The following PAK2 variants were observed in gnomAD, a reference collection of about 807,000 sequenced individuals.
PAK2 encodes the protein serine/threonine-protein kinase PAK 2.
In PAK2, 21 loss-of-function variants were observed where a neutral mutation model predicts 65.9. That is an observed-to-expected ratio of 0.32 (90% CI 0.23 to 0.46). The LOEUF is 0.46. Among genes scored for constraint, PAK2 ranks in the 20% least tolerant of loss-of-function variants. The pLI, the probability that PAK2 is intolerant of heterozygous loss-of-function variation, is 1.00. For synonymous variants in PAK2, 204 were observed against 219.7 expected (o/e 0.93, Z 0.63); for missense variants, 324 against 642.6 (o/e 0.50, Z 5.36).
chr3:196,761,769 G>C (rs1713975314), intron 1 of PAK2, among the ~76,000 whole-genome samples: 1 of 147,332 alleles, frequency 6.8e-6, no homozygotes, highest in South Asian at 2.2e-4. Context: ...GGACGGGGCG[G>C]CTGGCCGGGC....
At chr3:196,817,685 G>T (rs1711520164) in intron 11 of PAK2, among the ~76,000 whole-genome samples, 1 of 151,610 alleles carries the variant, frequency 6.6e-6, no homozygotes, top group East Asian at 1.9e-4. Flanking sequence ...TTTTAGTAGA[G>T]ATGGGGTTTT....
intron 2 of PAK2, among the ~76,000 whole-genome samples, chr3:196,794,273 G>A (rs918174978): frequency 1.3e-5 from 2 of 152,146 alleles, no homozygotes; most frequent in South Asian, 4.1e-4. Context: ...CTAAAATGGT[G>A]GTGTAGAAGC....
chr3:196,748,981 T>G (rs906484365), intron 1 of PAK2, among the ~76,000 whole-genome samples: 6 of 152,202 alleles, frequency 3.9e-5, no homozygotes. Flanking sequence ...TTGGCTACTC[T>G]TATGTACCTT....
chr3:196,810,664 G>T lies in PAK2; in HGVS notation c.773+11G>T, dbSNP rs768761626. 24 of 1,283,576 alleles carry T rather than the reference G, an allele frequency of 1.9e-5. No homozygotes were observed. Among genetic ancestry groups the T allele is most frequent in the Non-Finnish European group, 2.6e-5 (23 of 880,064 alleles). 79.5% of individuals were successfully genotyped at this position (1,283,576 alleles called of 1,614,324 possible). A position where few individuals can be genotyped will look rare whatever the true frequency, so the allele number is the denominator to read the frequency against. On this transcript the variant is annotated intron_variant, in intron 8 of 14. Transcript: ENST00000327134. ...AAAAATTGGACAAGGGTAAGTATTT[G>T]TGACTGTATTACGATAATATTCAGT...
At chr3:196,816,545 A>G (rs1292643497) in intron 11 of PAK2, among the ~76,000 whole-genome samples, 3 of 152,174 alleles carry the variant, frequency 2.0e-5, no homozygotes, top group Non-Finnish European at 4.4e-5. Context: ...CAGAACTTTT[A>G]AACTGTGACG....
intron 1 of PAK2, among the ~76,000 whole-genome samples, chr3:196,756,179 TCA>T (rs941526555): frequency 6.6e-6 from 1 of 152,202 alleles, no homozygotes; most frequent in Non-Finnish European, 1.5e-5. Context: ...TGTCATTGTT[TCA>T]GTTTTTTAAT....
At chr3:196,786,418 C>T (rs1216390168) in intron 2 of PAK2, among the ~76,000 whole-genome samples, 1 of 152,090 alleles carries the variant, frequency 6.6e-6, no homozygotes, top group Non-Finnish European at 1.5e-5. Flanking sequence ...GCCTCAGCCT[C>T]CCAAAGTGCT....
intron 1 of PAK2, among the ~76,000 whole-genome samples, chr3:196,770,830 C>G (rs1158305365): frequency 1.3e-5 from 2 of 151,928 alleles, no homozygotes; most frequent in Non-Finnish European, 2.9e-5. Flanking sequence ...ACTATGTTGA[C>G]CAGGCTGGTC....
chr3:196,817,599 C>T (rs371337696), intron 11 of PAK2, among the ~76,000 whole-genome samples: 29 of 151,654 alleles, frequency 1.9e-4, no homozygotes, highest in African/African-American at 6.8e-4. Flanking sequence ...GTGATCCACC[C>T]GCCTCGGTCT....
intron 4 of PAK2, 39 bp downstream of exon 4, chr3:196,803,203 G>A (rs747716302): frequency 2.0e-6 from 3 of 1,488,544 alleles, no homozygotes; most frequent in African/African-American, 1.4e-5. Context: ...ATGGAGATTT[G>A]TGAAGCACTT....
chr3:196,748,275 A>C (rs1019376180), intron 1 of PAK2, among the ~76,000 whole-genome samples: 26 of 152,156 alleles, frequency 1.7e-4, no homozygotes, highest in Admixed American at 2.0e-4. Context: ...CCTCCTGCTC[A>C]TCAACATCCT....
chr3:196,825,652 TAATA>T (rs757047661), intron 13 of PAK2, among the ~76,000 whole-genome samples: 52 of 151,710 alleles, frequency 3.4e-4, no homozygotes, highest in East Asian at 5.8e-4. Context: ...CAAAAATAAA[TAATA>T]AATAAATAAA....
chr3:196,749,574 G>C (rs1713502149), intron 1 of PAK2, among the ~76,000 whole-genome samples: 1 of 152,134 alleles, frequency 6.6e-6, no homozygotes, highest in African/African-American at 2.4e-5. Flanking sequence ...CTCATGTGTA[G>C]GTTTTCGGGT....
chr3:196,798,829 C>T (rs1248302053), intron 2 of PAK2, among the ~76,000 whole-genome samples: 3 of 152,124 alleles, frequency 2.0e-5, no homozygotes, highest in South Asian at 2.1e-4. Context: ...AGGCATTTGA[C>T]GGAACCCAGT....
intron 1 of PAK2, among the ~76,000 whole-genome samples, chr3:196,765,898 A>G (rs939238562): frequency 6.7e-6 from 1 of 149,958 alleles, no homozygotes; most frequent in Admixed American, 6.6e-5. Context: ...TAAAATTAGT[A>G]TCTTCTTTTT....
intron 2 of PAK2, among the ~76,000 whole-genome samples, chr3:196,787,809 C>A (rs73892973): frequency 0.021 from 3,253 of 152,258 alleles, 119 homozygotes; most frequent in African/African-American, 0.073. Context: ...ACCTCCCTTT[C>A]CTCTTACACT....
chr3:196,762,283 C>T lies in PAK2; in HGVS notation c.-21-20343C>T, dbSNP rs1241615730. ...GGCCAGGCAGAGACACTCCTCACTT[C>T]CCAGACGGGGTGGCGGCCGGGCAGA... On this transcript the variant is annotated intron_variant, in intron 1 of 14. Transcript: ENST00000327134. Among the ~76,000 whole-genome samples the T allele has an allele frequency of 2.0e-3, 257 of 128,888 alleles. 8 individuals carry two copies. Among genetic ancestry groups the T allele is most frequent in the African/African-American group, 6.9e-3 (247 of 35,738 alleles). The allele number at this position is 128,888 out of a possible 152,430, so 84.6% of individuals were successfully genotyped here. A position where few individuals can be genotyped will look rare whatever the true frequency, so the allele number is the denominator to read the frequency against.
At chr3:196,804,800 G>C (rs1715529632) in intron 4 of PAK2, among the ~76,000 whole-genome samples, 1 of 82,300 alleles carries the variant, frequency 1.2e-5, no homozygotes, top group Non-Finnish European at 2.4e-5. Flanking sequence ...ATGTGTGTGT[G>C]TGTGTGATAT....
chr3:196,826,864 T>G (rs1317364101), intron 13 of PAK2, among the ~76,000 whole-genome samples: 1 of 151,896 alleles, frequency 6.6e-6, no homozygotes, highest in Non-Finnish European at 1.5e-5. Flanking sequence ...GAGGTTGCAG[T>G]GAGCCAAGAT....
Sources: allele counts gnomAD v4.1 joint callset (sites outside exome capture counted in the v4.1 genomes callset), GRCh38; gene constraint gnomAD v4.1.1; transcripts MANE v1.5; gene names NCBI Gene and HGNC (gene_info 2026-07-23, HGNC 2026-07-21).